The following KHDRBS3 variants were observed in gnomAD, a reference collection of about 807,000 sequenced individuals.
KHDRBS3 encodes KH domain-containing, RNA-binding, signal transduction-associated protein 3.
A neutral mutation model predicts 45.6 loss-of-function variants in KHDRBS3; 23 were observed. The ratio of observed to expected loss-of-function variants is 0.50; its 90% CI spans 0.36 to 0.72. The LOEUF (loss-of-function observed/expected upper bound fraction) is 0.72. KHDRBS3 is among the 30% of genes least tolerant of loss of function. The probability of loss-of-function intolerance (pLI) is 0.00; values close to 1 mark genes in which losing one functional copy is unlikely to be tolerated. For synonymous variants in KHDRBS3, 162 were observed against 156.5 expected (o/e 1.04, Z -0.26); for missense variants, 352 against 424.8 (o/e 0.83, Z 1.51).
chr8:135,575,982 G>A (rs548265967), intron 5 of KHDRBS3, among the ~76,000 whole-genome samples: 40 of 152,192 alleles, frequency 2.6e-4, no homozygotes, highest in African/African-American at 8.4e-4. Flanking sequence ...ACAGTTTCTT[G>A]GACTTGTTTG....
At chr8:135,461,381 GT>G (rs1234696973) in intron 1 of KHDRBS3, among the ~76,000 whole-genome samples, 1 of 152,216 alleles carries the variant, frequency 6.6e-6, no homozygotes, top group Non-Finnish European at 1.5e-5. Context: ...GGGATTACAG[GT>G]GTGAGCCACC....
chr8:135,585,228 C>CAA (rs35301059), intron 6 of KHDRBS3, among the ~76,000 whole-genome samples: 3,553 of 95,542 alleles, frequency 0.037, 129 homozygotes, highest in Middle Eastern at 0.06. Flanking sequence ...GACTCCGTCT[C>CAA]AAAAAAAAAA....
intron 7 of KHDRBS3, among the ~76,000 whole-genome samples, chr8:135,615,490 T>C (rs1829878790): frequency 2.0e-5 from 3 of 152,278 alleles, no homozygotes; most frequent in Admixed American, 2.0e-4. Context: ...ACACTCTTAA[T>C]GACATTATTG....
intron 7 of KHDRBS3, among the ~76,000 whole-genome samples, chr8:135,629,380 C>A (rs1390890328): frequency 6.6e-6 from 1 of 152,224 alleles, no homozygotes; most frequent in Non-Finnish European, 1.5e-5. Flanking sequence ...AAGACAGCTG[C>A]AGCAGACACT....
At chr8:135,504,847 A>C (rs867183922) in intron 1 of KHDRBS3, among the ~76,000 whole-genome samples, 3 of 152,316 alleles carry the variant, frequency 2.0e-5, no homozygotes, top group Middle Eastern at 3.4e-3. Context: ...TGCTAATGTC[A>C]TTACATAGAT....
chr8:135,520,234 C>T (rs1449549960), intron 1 of KHDRBS3, among the ~76,000 whole-genome samples: 1 of 152,168 alleles, frequency 6.6e-6, no homozygotes, highest in Non-Finnish European at 1.5e-5. Flanking sequence ...CAGCTGATGA[C>T]GTCTTTGATA....
intron 8 of KHDRBS3, among the ~76,000 whole-genome samples, chr8:135,646,568 T>C (rs1298518698): frequency 6.6e-6 from 1 of 152,172 alleles, no homozygotes; most frequent in African/African-American, 2.4e-5. Flanking sequence ...TTCACAGATG[T>C]TTACCTATGT....
intron 5 of KHDRBS3, among the ~76,000 whole-genome samples, chr8:135,567,299 G>T (rs796860720): frequency 6.6e-6 from 1 of 151,710 alleles, no homozygotes; most frequent in African/African-American, 2.4e-5. Flanking sequence ...TGGAAAACAC[G>T]TCAGTTCACA....
intron 5 of KHDRBS3, among the ~76,000 whole-genome samples, chr8:135,569,752 A>G (rs1827611309): frequency 6.6e-6 from 1 of 152,126 alleles, no homozygotes; most frequent in African/African-American, 2.4e-5. Flanking sequence ...CACAGCAGTC[A>G]CCCAGGGCAG....
chr8:135,641,714 G>A (rs2131184474), intron 7 of KHDRBS3, among the ~76,000 whole-genome samples: 1 of 152,322 alleles, frequency 6.6e-6, no homozygotes, highest in African/African-American at 2.4e-5. Context: ...ACACTCCCAA[G>A]GTGGCACTGC....
chr8:135,588,366 G>A (rs1026793713), intron 6 of KHDRBS3, among the ~76,000 whole-genome samples: 2 of 152,100 alleles, frequency 1.3e-5, no homozygotes, highest in African/African-American at 4.8e-5. Flanking sequence ...AGCCACCCTC[G>A]CGCGGCACCT....
At chr8:135,609,178 T>C (rs2131036961) in intron 7 of KHDRBS3, among the ~76,000 whole-genome samples, 1 of 152,352 alleles carries the variant, frequency 6.6e-6, no homozygotes, top group South Asian at 2.1e-4. Context: ...ACTTGTAGTT[T>C]TTATTAATTT....
chr8:135,510,404 G>A (rs1240964774), intron 1 of KHDRBS3, among the ~76,000 whole-genome samples: 1 of 152,142 alleles, frequency 6.6e-6, no homozygotes, highest in Admixed American at 6.5e-5. Context: ...TATTTGATTA[G>A]TTAAAGTGGA....
intron 1 of KHDRBS3, among the ~76,000 whole-genome samples, chr8:135,462,736 A>G (rs1182023137): frequency 2.0e-5 from 3 of 152,132 alleles, no homozygotes; most frequent in African/African-American, 7.2e-5. Context: ...TGACTTGCCC[A>G]TGGTGACATG....
chr8:135,594,146 T>A (rs1234340650), intron 6 of KHDRBS3, among the ~76,000 whole-genome samples: 1 of 152,222 alleles, frequency 6.6e-6, no homozygotes, highest in African/African-American at 2.4e-5. Context: ...GAGCATGAGG[T>A]ACATAACAGG....
At chr8:135,550,799 T>C (rs1187378111) in intron 4 of KHDRBS3, among the ~76,000 whole-genome samples, 1 of 152,174 alleles carries the variant, frequency 6.6e-6, no homozygotes, top group East Asian at 1.9e-4. Context: ...ATTGAATCTA[T>C]AGATCAGTTT....
At chr8:135,512,688 G>T (rs1256544192) in intron 1 of KHDRBS3, among the ~76,000 whole-genome samples, 1 of 152,078 alleles carries the variant, frequency 6.6e-6, no homozygotes, top group African/African-American at 2.4e-5. Flanking sequence ...AACCATTTGT[G>T]CAGCCATTAT....
At chr8:135,642,825 G>T (rs886428803) in intron 7 of KHDRBS3, among the ~76,000 whole-genome samples, 1 of 146,998 alleles carries the variant, frequency 6.8e-6, no homozygotes, top group African/African-American at 2.5e-5. Context: ...ATGGAGTCTC[G>T]CTCTGTCGCC....
chr8:135,503,757 AT>A (rs899682372), intron 1 of KHDRBS3, among the ~76,000 whole-genome samples: 1 of 152,084 alleles, frequency 6.6e-6, no homozygotes, highest in African/African-American at 2.4e-5. Context: ...AATTCTTGTA[AT>A]TTTACCACGT....
Sources: gnomAD v4.1 joint callset for allele counts (sites outside exome capture counted in the v4.1 genomes callset) on GRCh38, gnomAD v4.1.1 for gene constraint, MANE v1.5 for transcripts, NCBI Gene and HGNC (gene_info 2026-07-23, HGNC 2026-07-21) for gene names.